Variants in ZNF143 observed in about 807,000 individuals in gnomAD.
ZNF143 encodes zinc finger protein 143.
Under a neutral mutation model 74.1 loss-of-function variants are expected in ZNF143, and 49 were observed. The ratio of observed to expected loss-of-function variants is 0.66; its 90% CI spans 0.53 to 0.84. ZNF143 has a LOEUF of 0.84. Among genes scored for constraint, ZNF143 ranks in the 40% least tolerant of loss-of-function variants. The probability of loss-of-function intolerance (pLI) is 0.00; values close to 1 mark genes in which losing one functional copy is unlikely to be tolerated. For missense variants in ZNF143, 637 were observed against 793.4 expected (o/e 0.80, Z 2.37); for synonymous variants, 304 against 282.8 (o/e 1.07, Z -0.75).
chr11:9,485,872 T>G (rs1443406830), intron 7 of ZNF143, among the ~76,000 whole-genome samples: 3 of 151,464 alleles, frequency 2.0e-5, no homozygotes, highest in African/African-American at 7.4e-5. Flanking sequence ...GCCGTTACAG[T>G]AAATGGGATT....
At position 9,494,691 on chromosome 11, in the gene ZNF143, C is replaced by A. The variant is rs1346384292; in HGVS notation, c.691C>A (p.Gln231Lys). The A allele has an allele frequency of 6.2e-7, 1 of 1,613,784 alleles. No individual in the cohort carries two copies. Among genetic ancestry groups the A allele is most frequent in the Admixed American group, 1.7e-5 (1 of 60,012 alleles). The change falls in exon 8 of 16, where the codon CAG becomes AAG. Residue 231 changes from glutamine to lysine, a missense_variant. Gln to Lys is a moderately conservative substitution (Grantham distance 53). Coordinates refer to ENST00000396602, the MANE Select transcript of ZNF143 (RefSeq NM_003442.6). ...HATRVTAKSQ[Q>K]SGEKAFRCEY... ...TACAAGAGTAACTGCTAAATCTCAA[C>A]AGAGTGGAGAGAAGGCATTTCGATG...
chr11:9,516,323 T>C lies in ZNF143; in HGVS notation c.1647T>C (p.Ser549=), dbSNP rs757808091. 1.2e-6 allele frequency: 2 copies of C among 1,613,870 alleles called. No homozygotes were observed. Among genetic ancestry groups the C allele is most frequent in the Admixed American group, 1.7e-5 (1 of 59,990 alleles). Residue 549 remains serine, a synonymous_variant, in exon 14 of 16, where the codon TCT becomes TCC. Transcript: ENST00000396602. ...DAVISSAGTH[S]VAMVTAEGTE... is the part of the protein sequence containing the mutation. ...TCATCTCCTCAGCAGGAACGCACTC[T>C]GTTGCTATGGTTACTGCTGAGGGTA...
At chr11:9,500,467 T>C (rs1848119869) in intron 10 of ZNF143, among the ~76,000 whole-genome samples, 1 of 152,024 alleles carries the variant, frequency 6.6e-6, no homozygotes, top group Non-Finnish European at 1.5e-5. Context: ...GGAGTCTCGC[T>C]CTGTCGCCGA....
At chr11:9,476,746 C>CTTTATTTTTTTTT (rs1856919168) in intron 5 of ZNF143, among the ~76,000 whole-genome samples, 1 of 34,836 alleles carries the variant, frequency 2.9e-5, no homozygotes, top group Non-Finnish European at 5.3e-5. Flanking sequence ...AGGGAGGAAT[C>CTTTATTTTTTTTT]TTTTTTTTTT....
At chr11:9,482,461 G>GCA (rs1485411449) in intron 7 of ZNF143, among the ~76,000 whole-genome samples, 21 of 136,848 alleles carry the variant, frequency 1.5e-4, no homozygotes, top group Middle Eastern at 9.3e-3. Flanking sequence ...TAGTACAGAT[G>GCA]GGGTTTCACT....
chr11:9,527,966 G>A lies in ZNF143; in HGVS notation c.*353G>A, dbSNP rs1849185603. On this transcript the variant is annotated 3_prime_UTR_variant, in exon 16 of 16. Transcript: ENST00000396602. ...AACTTCCCGTGGAAAAAAAAATAAA[G>A]GCTGTATCTAAAATATCAAAGGTTC... is the stretch of plus-strand genomic sequence containing the variant. 6.0e-6 allele frequency: 1 copy of A among 167,682 alleles called. No individual in the cohort carries two copies. Among genetic ancestry groups the A allele is most frequent in the Non-Finnish European group, 1.3e-5 (1 of 78,054 alleles). 10.4% of individuals were successfully genotyped at this position (167,682 alleles called of 1,614,324 possible).
chr11:9,527,026 G>A (rs560503001), intron 15 of ZNF143, among the ~76,000 whole-genome samples: 1 of 152,230 alleles, frequency 6.6e-6, no homozygotes, highest in Non-Finnish European at 1.5e-5. Context: ...AATGAAATGG[G>A]GTTTCACTGT....
intron 11 of ZNF143, among the ~76,000 whole-genome samples, chr11:9,502,527 A>G (rs1253946541): frequency 1.3e-5 from 2 of 150,238 alleles, no homozygotes; most frequent in Non-Finnish European, 3.0e-5. Flanking sequence ...GGAGAACAGC[A>G]TGAACCCGGG....
chr11:9,500,094 C>T (rs187360638), intron 10 of ZNF143, among the ~76,000 whole-genome samples: 92 of 152,232 alleles, frequency 6.0e-4, no homozygotes, highest in African/African-American at 2.0e-3. Context: ...CCACTGTGCA[C>T]CACTACACCC....
chr11:9,472,083 C>T (rs892881696), intron 2 of ZNF143, among the ~76,000 whole-genome samples: 1 of 151,290 alleles, frequency 6.6e-6, no homozygotes, highest in Non-Finnish European at 1.5e-5. Context: ...CACCCACCAG[C>T]GTGCCCAGCT....
At chr11:9,503,682 G>T (rs546114492) in intron 11 of ZNF143, among the ~76,000 whole-genome samples, 11 of 143,790 alleles carry the variant, frequency 7.7e-5, no homozygotes. Context: ...GCTCTGTCTC[G>T]CCCAGGCTGG....
intron 14 of ZNF143, among the ~76,000 whole-genome samples, chr11:9,524,425 T>G (rs1849054015): frequency 6.6e-6 from 1 of 152,200 alleles, no homozygotes; most frequent in African/African-American, 2.4e-5. Flanking sequence ...ATGAAATCTG[T>G]TTTTCTTATA....
intron 13 of ZNF143, 77 bp from the exon 14 acceptor site, chr11:9,516,123 AT>A (rs1465857186): frequency 1.8e-5 from 26 of 1,432,798 alleles, no homozygotes; most frequent in Non-Finnish European, 2.4e-5. Flanking sequence ...TTATACAAGG[AT>A]TAGTCCTGGT....
At chr11:9,494,547 A>G (rs921008314) in intron 7 of ZNF143, 99 bp from the exon 8 acceptor site, 8 of 1,238,994 alleles carry the variant, frequency 6.5e-6, no homozygotes, top group Non-Finnish European at 7.8e-6. Flanking sequence ...CTGGGCTCAA[A>G]TGATCCGCCT....
chr11:9,524,621 GT>G (rs1187007685), intron 14 of ZNF143, among the ~76,000 whole-genome samples: 1 of 152,070 alleles, frequency 6.6e-6, no homozygotes, highest in Non-Finnish European at 1.5e-5. Context: ...CATTTTCCAT[GT>G]TATCTGCATT....
chr11:9,470,842 T>G (rs1856524268), intron 1 of ZNF143, among the ~76,000 whole-genome samples: 1 of 152,160 alleles, frequency 6.6e-6, no homozygotes, highest in Non-Finnish European at 1.5e-5. Flanking sequence ...GTTAGGATGC[T>G]GTTATAGTAA....
Position 9,522,588 on chromosome 11 carries a change from G to C in ZNF143, c.1687-2652G>C, listed in dbSNP as rs1296206982. 2.0e-5 allele frequency among the ~76,000 whole-genome samples: 3 copies of C among 152,154 alleles called. No individual in the cohort carries two copies. In the East Asian group the frequency reaches 5.8e-4, roughly 29 times the overall value. On this transcript the variant is annotated intron_variant, in intron 14 of 15. Transcript: ENST00000396602. Reference sequence around the variant, plus strand: ...GGCTCACTGCAACCTCCGCCTCCCGGGTTCAAGCGATTCTCCTGCCTCAGC... The same window carrying C: ...GGCTCACTGCAACCTCCGCCTCCCGCGTTCAAGCGATTCTCCTGCCTCAGC...
intron 7 of ZNF143, 87 bp downstream of exon 7, chr11:9,479,633 A>G (rs1311147217): frequency 2.8e-6 from 3 of 1,054,518 alleles, no homozygotes; most frequent in South Asian, 2.8e-5. Flanking sequence ...GTAACTCACT[A>G]CCTCTCTAGG....
At chr11:9,503,743 A>G (rs923362913) in intron 11 of ZNF143, among the ~76,000 whole-genome samples, 1 of 151,520 alleles carries the variant, frequency 6.6e-6, no homozygotes, top group East Asian at 1.9e-4. Flanking sequence ...GCCGGGTTCA[A>G]GCGATTGATT....
Sources: gnomAD v4.1 joint callset for allele counts (sites outside exome capture counted in the v4.1 genomes callset) on GRCh38, gnomAD v4.1.1 for gene constraint, MANE v1.5 for transcripts, NCBI Gene and HGNC (gene_info 2026-07-23, HGNC 2026-07-21) for gene names.